The following MAP2 variants were observed in gnomAD, a reference collection of about 807,000 sequenced individuals.
The protein encoded by MAP2 is microtubule associated protein 2, also known as microtubule-associated protein 2.
Under a neutral mutation model 137.6 loss-of-function variants are expected in MAP2, and 14 were observed. The ratio of observed to expected loss-of-function variants is 0.10; its 90% CI spans 0.07 to 0.16. The LOEUF is 0.16. Ranked by LOEUF, MAP2 falls within the 10% of genes least tolerant of loss-of-function variation. The pLI is 1.00. For missense variants in MAP2, 2,088 were observed against 2,191.5 expected (o/e 0.95, Z 0.94); for synonymous variants, 786 against 782.3 (o/e 1.00, Z -0.08).
At chr2:209,570,902 G>A (rs1048948259) in intron 2 of MAP2, among the ~76,000 whole-genome samples, 7 of 151,828 alleles carry the variant, frequency 4.6e-5, no homozygotes, top group African/African-American at 1.4e-4. Context: ...TGTCATAATA[G>A]CGTAGTTCTG....
chr2:209,509,964 G>A (rs1485293541), intron 2 of MAP2, among the ~76,000 whole-genome samples: 1 of 150,284 alleles, frequency 6.7e-6, no homozygotes, highest in Non-Finnish European at 1.5e-5. Context: ...TAGCATCTTA[G>A]ATTTTATGAA....
chr2:209,679,160 A>G (rs1181555376), intron 6 of MAP2, among the ~76,000 whole-genome samples: 2 of 152,084 alleles, frequency 1.3e-5, no homozygotes, highest in Admixed American at 6.6e-5. Flanking sequence ...GTGACTTTGT[A>G]TCTTATATGA....
chr2:209,660,983 A>ATATGGGG, intron 5 of MAP2, among the ~76,000 whole-genome samples: 1 of 148,676 alleles, frequency 6.7e-6, no homozygotes, highest in Admixed American at 6.7e-5. Flanking sequence ...TGACCTCGTG[A>ATATGGGG]TCCGCCCGCC....
chr2:209,599,165 T>C (rs1169521654), intron 3 of MAP2, among the ~76,000 whole-genome samples: 2 of 152,146 alleles, frequency 1.3e-5, no homozygotes, highest in Admixed American at 6.5e-5. Flanking sequence ...TGATATCTCA[T>C]TGTGGTTTTG....
intron 2 of MAP2, among the ~76,000 whole-genome samples, chr2:209,523,216 A>G (rs535596492): frequency 2.5e-4 from 38 of 152,192 alleles, no homozygotes; most frequent in African/African-American, 9.1e-4. Context: ...CCCCGAATGC[A>G]ATCTCTCATG....
chr2:209,449,264 A>G (rs973335775), intron 1 of MAP2, among the ~76,000 whole-genome samples: 8 of 152,154 alleles, frequency 5.3e-5, no homozygotes, highest in African/African-American at 1.9e-4. Context: ...AAAATTAAAG[A>G]AGAAACAATA....
chr2:209,694,475 A>T lies in MAP2; in HGVS notation c.2305A>T (p.Ile769Leu). The change falls in exon 8 of 16, where the codon ATA (isoleucine) becomes TTA (leucine). Residue 769 changes from isoleucine (I) to leucine (L), a missense_variant. By Grantham distance (5) the Ile-to-Leu change is conservative. This residue lies in a region of MAP2 where 500 missense variants were observed against 482.9 expected (regional missense o/e 1.04). Transcript: ENST00000682079. ...TGTAGAAAGCAAAGAGGAAGAACAG[A>T]TAGAGAAAGTAAAAGCTACTGGAGA... ...FPVESKEEEQ[I>L]EKVKATGEES... 1 of 1,614,106 alleles carries T rather than the reference A, an allele frequency of 6.2e-7. No homozygotes were observed. Among genetic ancestry groups the T allele is most frequent in the South Asian group, 1.1e-5 (1 of 91,082 alleles).
intron 11 of MAP2, among the ~76,000 whole-genome samples, chr2:209,701,573 C>A (rs1316932666): frequency 1.3e-5 from 2 of 151,958 alleles, no homozygotes; most frequent in Non-Finnish European, 2.9e-5. Flanking sequence ...TCTTAGCTTA[C>A]CCTTCTAAAA....
intron 10 of MAP2, among the ~76,000 whole-genome samples, chr2:209,697,313 T>A (rs1445716446): frequency 1.3e-5 from 2 of 152,208 alleles, no homozygotes; most frequent in Non-Finnish European, 2.9e-5. Flanking sequence ...TGTCACGTTC[T>A]GGGGATTCCT....
rs1186943550 is a variant in MAP2, at chr2:209,733,811, GA to G, written c.*3419del. The G allele has an allele frequency of 6.6e-6, 1 of 152,128 alleles. No homozygotes were observed. Among genetic ancestry groups the G allele is most frequent in the Admixed American group, 6.6e-5 (1 of 15,222 alleles). 9.4% of individuals were successfully genotyped at this position (152,128 alleles called of 1,614,324 possible). A position where few individuals can be genotyped will look rare whatever the true frequency, so the allele number is the denominator to read the frequency against. On this transcript the variant is annotated 3_prime_UTR_variant, in exon 16 of 16. Coordinates refer to ENST00000682079, the MANE Select transcript of MAP2 (RefSeq NM_001375505.1). Reference sequence around the variant, plus strand: ...AGGTGAAGGCCAAGACTCTCTGCAGGAAAAAGCTTATTTTCAAACTCAGAAA... The same window carrying G: ...AGGTGAAGGCCAAGACTCTCTGCAGGAAAAGCTTATTTTCAAACTCAGAAA...
chr2:209,641,501 ATAGT>A (rs1447117855), intron 4 of MAP2, among the ~76,000 whole-genome samples: 1 of 151,828 alleles, frequency 6.6e-6, no homozygotes, highest in Non-Finnish European at 1.5e-5. Flanking sequence ...CAATGGCTCC[ATAGT>A]TAGTTACATA....
At chr2:209,436,025 A>AAAT (rs1559159776) in intron 1 of MAP2, among the ~76,000 whole-genome samples, 6 of 77,306 alleles carry the variant, frequency 7.8e-5, no homozygotes, top group South Asian at 9.0e-4. Flanking sequence ...TTATATATAA[A>AAAT]ATATATATAT....
intron 5 of MAP2, among the ~76,000 whole-genome samples, chr2:209,666,449 G>A (rs1180608096): frequency 9.2e-5 from 14 of 151,994 alleles, no homozygotes; most frequent in Non-Finnish European, 1.8e-4. Flanking sequence ...AGGAATAACA[G>A]TAGAGGAATA....
At chr2:209,709,814 A>G in intron 12 of MAP2, 100 bp from the exon 13 acceptor site, 3 of 825,860 alleles carry the variant, frequency 3.6e-6, no homozygotes, top group Non-Finnish European at 5.7e-6. Flanking sequence ...ATACCTTAGA[A>G]ATTAAACGTA....
chr2:209,733,759 C>T lies in MAP2; in HGVS notation c.*3362C>T, dbSNP rs1299365903. 6.6e-6 allele frequency: 1 copy of T among 152,248 alleles called. No homozygotes were observed. Among genetic ancestry groups the T allele is most frequent in the African/African-American group, 2.4e-5 (1 of 41,386 alleles). The allele number at this position is 152,248 out of a possible 1,614,324, so 9.4% of individuals were successfully genotyped here. On this transcript the variant is annotated 3_prime_UTR_variant, in exon 16 of 16. Transcript: ENST00000682079. ...AGCATTGATGTTTTGAGTTTTTTTA[C>T]ACCTAGGATTTTTAGCTTGGGTGTG...
chr2:209,438,405 A>G (rs1696901079), intron 1 of MAP2, among the ~76,000 whole-genome samples: 1 of 151,682 alleles, frequency 6.6e-6, no homozygotes, highest in African/African-American at 2.4e-5. Context: ...GAGAGCAGCC[A>G]CTGGAAACTT....
chr2:209,708,592 A>G (rs1180156238), intron 12 of MAP2, among the ~76,000 whole-genome samples: 2 of 152,262 alleles, frequency 1.3e-5, no homozygotes, highest in Middle Eastern at 3.4e-3. Context: ...CTCAGAAAGA[A>G]CTTCCTATAT....
intron 3 of MAP2, among the ~76,000 whole-genome samples, chr2:209,611,460 C>T (rs1408008436): frequency 2.6e-5 from 4 of 151,514 alleles, no homozygotes; most frequent in Non-Finnish European, 2.9e-5. Flanking sequence ...ATGTAATGCA[C>T]ACTGAAAAAA....
At chr2:209,446,496 A>G (rs971490888) in intron 1 of MAP2, among the ~76,000 whole-genome samples, 10 of 151,900 alleles carry the variant, frequency 6.6e-5, no homozygotes, top group African/African-American at 2.4e-4. Flanking sequence ...TGGGTAGTTA[A>G]TGACTAAAAA....
Sources: gnomAD v4.1 joint callset for allele counts (sites outside exome capture counted in the v4.1 genomes callset) on GRCh38, gnomAD v4.1.1 for gene constraint, gnomAD v4.1.1 regional missense constraint, MANE v1.5 for transcripts, NCBI Gene and HGNC (gene_info 2026-07-23, HGNC 2026-07-21) for gene names.